The following CNOT4 variants were observed in gnomAD, a reference collection of about 807,000 sequenced individuals.
CNOT4 encodes CCR4-NOT transcription complex subunit 4.
In CNOT4, 8 loss-of-function variants were observed where a neutral mutation model predicts 73.8. That is an observed-to-expected ratio of 0.11 (90% CI 0.06 to 0.20). The LOEUF (loss-of-function observed/expected upper bound fraction) is 0.20, where lower values mean the gene tolerates loss of function less well. CNOT4 is among the 10% of genes least tolerant of loss of function. CNOT4 has a pLI of 1.00. For missense variants in CNOT4, 564 were observed against 883.4 expected (o/e 0.64, Z 4.58); for synonymous variants, 293 against 321.1 (o/e 0.91, Z 0.94).
At chr7:135,412,932 T>C (rs1185893735) in intron 6 of CNOT4, among the ~76,000 whole-genome samples, 1 of 152,080 alleles carries the variant, frequency 6.6e-6, no homozygotes, top group South Asian at 2.1e-4. Context: ...AAAAAGAACA[T>C]AGGATATTAA....
chr7:135,490,238 C>T (rs17168441), intron 1 of CNOT4, among the ~76,000 whole-genome samples: 7,707 of 152,246 alleles, frequency 0.051, 673 homozygotes, highest in African/African-American at 0.18. Context: ...ATAAAACCAA[C>T]TCACACAGAA....
At chr7:135,507,136 G>A (rs1187845632) in intron 1 of CNOT4, among the ~76,000 whole-genome samples, 1 of 152,088 alleles carries the variant, frequency 6.6e-6, no homozygotes, top group Non-Finnish European at 1.5e-5. Context: ...GCAAGTTATC[G>A]CTAGTACTCC....
chr7:135,447,299 C>T (rs1441367144), intron 1 of CNOT4, among the ~76,000 whole-genome samples: 1 of 152,166 alleles, frequency 6.6e-6, no homozygotes, highest in African/African-American at 2.4e-5. Flanking sequence ...AATATCAGCA[C>T]TAATACTTAA....
At chr7:135,455,103 A>G (rs1466132069) in intron 1 of CNOT4, among the ~76,000 whole-genome samples, 2 of 151,924 alleles carry the variant, frequency 1.3e-5, no homozygotes, top group Non-Finnish European at 2.9e-5. Flanking sequence ...AGGACAGGAC[A>G]GGACAGGAAG....
At chr7:135,389,796 A>C (rs1428760024) in intron 10 of CNOT4, among the ~76,000 whole-genome samples, 2 of 152,226 alleles carry the variant, frequency 1.3e-5, no homozygotes, top group African/African-American at 4.8e-5. Flanking sequence ...TCATGGAATA[A>C]AAACAACTTG....
intron 5 of CNOT4, among the ~76,000 whole-genome samples, chr7:135,414,056 A>C (rs955631232): frequency 6.6e-6 from 1 of 152,028 alleles, no homozygotes; most frequent in Non-Finnish European, 1.5e-5. Context: ...TGAAGAAAAT[A>C]ATGGTACTAT....
At chr7:135,502,816 C>CAAAAAAAAAA (rs56358299) in intron 1 of CNOT4, among the ~76,000 whole-genome samples, 2 of 59,156 alleles carry the variant, frequency 3.4e-5, no homozygotes, top group Non-Finnish European at 6.6e-5. Context: ...AACTCCATCT[C>CAAAAAAAAAA]AAAAAAAAAA....
chr7:135,389,628 CAAAG>C (rs1402376451), intron 10 of CNOT4, among the ~76,000 whole-genome samples: 1 of 151,118 alleles, frequency 6.6e-6, no homozygotes, highest in African/African-American at 2.4e-5. Context: ...CATATAGAAA[CAAAG>C]AAAATTTAAA....
At chr7:135,483,212 C>T (rs1437756278) in intron 1 of CNOT4, among the ~76,000 whole-genome samples, 1 of 151,062 alleles carries the variant, frequency 6.6e-6, no homozygotes, top group African/African-American at 2.4e-5. Flanking sequence ...CTGCCACATG[C>T]CTGTACTCCC....
intron 1 of CNOT4, among the ~76,000 whole-genome samples, chr7:135,452,981 C>T (rs7797208): frequency 0.074 from 11,274 of 152,094 alleles, 490 homozygotes; most frequent in Middle Eastern, 0.13. Context: ...AAAGGAATTG[C>T]CTATATCAAT....
intron 1 of CNOT4, among the ~76,000 whole-genome samples, chr7:135,452,787 G>T (rs1800257031): frequency 6.6e-6 from 1 of 152,166 alleles, no homozygotes; most frequent in South Asian, 2.1e-4. Context: ...TGTATAATTA[G>T]AGATTAGCAT....
At chr7:135,494,065 CAAAA>C (rs34917518) in intron 1 of CNOT4, among the ~76,000 whole-genome samples, 4 of 119,584 alleles carry the variant, frequency 3.3e-5, no homozygotes, top group Admixed American at 8.1e-5. Flanking sequence ...AAACCTGTAC[CAAAA>C]AAAAAAAAAA....
intron 10 of CNOT4, among the ~76,000 whole-genome samples, chr7:135,377,280 AC>A (rs1296351283): frequency 1.3e-5 from 2 of 152,182 alleles, no homozygotes; most frequent in Admixed American, 1.3e-4. Flanking sequence ...TCTAAAAATG[AC>A]CCTGAAACTC....
chr7:135,504,254 T>C (rs17168443), intron 1 of CNOT4, among the ~76,000 whole-genome samples: 4,881 of 152,084 alleles, frequency 0.032, 112 homozygotes, highest in Middle Eastern at 0.079. Context: ...GCCTACATCA[T>C]TCACTAATTG....
intron 7 of CNOT4, among the ~76,000 whole-genome samples, chr7:135,406,931 A>G (rs1797323183): frequency 6.6e-6 from 1 of 152,222 alleles, no homozygotes; most frequent in African/African-American, 2.4e-5. Flanking sequence ...GTTTGAATGT[A>G]TGTCCCCACC....
chr7:135,456,526 T>A (rs1298004834), intron 1 of CNOT4, among the ~76,000 whole-genome samples: 1 of 152,060 alleles, frequency 6.6e-6, no homozygotes, highest in African/African-American at 2.4e-5. Context: ...AATATAATCA[T>A]CCGTCGGTAT....
At chr7:135,383,782 C>T (rs1795966518) in intron 10 of CNOT4, among the ~76,000 whole-genome samples, 1 of 152,208 alleles carries the variant, frequency 6.6e-6, no homozygotes, top group East Asian at 1.9e-4. Flanking sequence ...TGTTCTTTGT[C>T]ATCATCAAAA....
chr7:135,473,367 C>CA (rs995013804), intron 1 of CNOT4, among the ~76,000 whole-genome samples: 29 of 151,574 alleles, frequency 1.9e-4, no homozygotes, highest in East Asian at 7.7e-4. Flanking sequence ...CTAAATAAAA[C>CA]AAAAAAAATA....
intron 1 of CNOT4, among the ~76,000 whole-genome samples, chr7:135,504,455 C>A: frequency 7.5e-6 from 1 of 133,762 alleles, no homozygotes; most frequent in African/African-American, 2.9e-5. Context: ...GCCACCACAT[C>A]CGGCTAATTT....
Sources: allele counts gnomAD v4.1 joint callset (sites outside exome capture counted in the v4.1 genomes callset), GRCh38; gene constraint gnomAD v4.1.1; transcripts MANE v1.5; gene names NCBI Gene and HGNC (gene_info 2026-07-23, HGNC 2026-07-21).